FYB1: variants seen among roughly 807,000 people sequenced by gnomAD.
The protein encoded by FYB1 is FYN-binding protein 1.
In FYB1, 41 loss-of-function variants were observed where a neutral mutation model predicts 94.1. That is an observed-to-expected ratio of 0.44 (90% CI 0.34 to 0.57). The LOEUF is 0.57. Ranked by LOEUF, FYB1 falls within the 20% of genes least tolerant of loss-of-function variation. FYB1 has a pLI of 0.02. For missense variants in FYB1, 1,050 were observed against 976.8 expected, an observed-to-expected ratio of 1.07 and a Z score of -1.00; for synonymous variants, 367 against 353.2, an observed-to-expected ratio of 1.04 and a Z score of -0.44.
At chr5:39,201,012 C>A (rs553034229) in intron 2 of FYB1, among the ~76,000 whole-genome samples, 1 of 152,100 alleles carries the variant, frequency 6.6e-6, no homozygotes, top group Non-Finnish European at 1.5e-5. Context: ...ACTATTTACC[C>A]GAAAGGAGAG....
At chr5:39,143,414 G>A (rs554688580) in intron 3 of FYB1, among the ~76,000 whole-genome samples, 6 of 146,506 alleles carry the variant, frequency 4.1e-5, no homozygotes, top group East Asian at 4.3e-4. Flanking sequence ...TCCATTTCTC[G>A]TCTCTCCCGC....
chr5:39,112,325 T>C (rs1234530063), intron 16 of FYB1, among the ~76,000 whole-genome samples: 2 of 151,976 alleles, frequency 1.3e-5, no homozygotes, highest in Non-Finnish European at 2.9e-5. Context: ...CAATAGCAAA[T>C]GTTCCCATAA....
At chr5:39,197,611 CT>C (rs1319615882) in intron 2 of FYB1, among the ~76,000 whole-genome samples, 1 of 152,224 alleles carries the variant, frequency 6.6e-6, no homozygotes, top group African/African-American at 2.4e-5. Flanking sequence ...AGCAAATGCA[CT>C]CTGGAAACAA....
At chr5:39,151,155 A>G (rs1352418244) in intron 3 of FYB1, among the ~76,000 whole-genome samples, 1 of 152,070 alleles carries the variant, frequency 6.6e-6, no homozygotes, top group African/African-American at 2.4e-5. Context: ...ATAAATATAT[A>G]CTTCTCTCAA....
chr5:39,228,952 G>A (rs990233009), intron 1 of FYB1, among the ~76,000 whole-genome samples: 1 of 152,006 alleles, frequency 6.6e-6, no homozygotes, highest in Non-Finnish European at 1.5e-5. Context: ...TGGTTCTTTT[G>A]TCCACTATAA....
chr5:39,147,086 G>C (rs1271916913), intron 3 of FYB1, among the ~76,000 whole-genome samples: 6 of 152,090 alleles, frequency 3.9e-5, no homozygotes, highest in Non-Finnish European at 8.8e-5. Flanking sequence ...AGAAGAAAAA[G>C]AAGCTTATCA....
intron 2 of FYB1, chr5:39,169,815 G>T (rs1199038554): frequency 5.8e-6 from 3 of 513,770 alleles, no homozygotes; most frequent in Non-Finnish European, 1.1e-5. Context: ...TTTCTTCAGT[G>T]GTTTTGATGG....
intron 1 of FYB1, among the ~76,000 whole-genome samples, chr5:39,257,426 T>G (rs1306076672): frequency 6.6e-6 from 1 of 152,146 alleles, no homozygotes; most frequent in African/African-American, 2.4e-5. Context: ...ATTTTTTTTT[T>G]TTTTTGCATG....
At chr5:39,215,242 A>G (rs550999990) in intron 1 of FYB1, among the ~76,000 whole-genome samples, 1 of 152,384 alleles carries the variant, frequency 6.6e-6, no homozygotes, top group South Asian at 2.1e-4. Context: ...AAGGTGTTTG[A>G]AGAATTATAA....
chr5:39,149,672 T>A (rs1357373927), intron 3 of FYB1, among the ~76,000 whole-genome samples: 2 of 152,026 alleles, frequency 1.3e-5, no homozygotes, highest in Admixed American at 1.3e-4. Flanking sequence ...CCTGACAACT[T>A]CCCCTGCACT....
At chr5:39,232,523 T>TTTATTTA (rs1554042917) in intron 1 of FYB1, among the ~76,000 whole-genome samples, 9,251 of 150,738 alleles carry the variant, frequency 0.061, 739 homozygotes, top group African/African-American at 0.17. Context: ...TAAACATTTA[T>TTTATTTA]TTTATTTATT....
At position 39,210,473 on chromosome 5, in the gene FYB1, C is replaced by A. The variant is rs1453160001; in HGVS notation, c.-27-7486G>T. Among the ~76,000 whole-genome samples, 4 of 152,176 alleles carry A rather than the reference C, an allele frequency of 2.6e-5. No homozygotes were observed. The South Asian group carries it at 6.2e-4, about 24-fold the overall frequency. On this transcript the variant is annotated intron_variant, in intron 1 of 18. Transcript: ENST00000512982. ...CAAGATAGCCTAGCAAGTAGTAAAG[C>A]TTTGATGGTGATGGTCCACCTCCCA...
chr5:39,111,277 A>G (rs1013356393), intron 16 of FYB1, among the ~76,000 whole-genome samples: 1 of 151,974 alleles, frequency 6.6e-6, no homozygotes, highest in Non-Finnish European at 1.5e-5. Flanking sequence ...GATTAGTACC[A>G]TTTATTGCTT....
At chr5:39,269,021 C>G (rs1421985208) in intron 1 of FYB1, among the ~76,000 whole-genome samples, 1 of 152,094 alleles carries the variant, frequency 6.6e-6, no homozygotes, top group African/African-American at 2.4e-5. Context: ...CACAGTGCTC[C>G]TGTTTAAGGT....
Position 39,202,444 on chromosome 5 carries a change from A to G in FYB1, c.517T>C (p.Leu173=). 2 of 1,613,650 alleles carry G rather than the reference A, an allele frequency of 1.2e-6. No homozygotes were observed. Among genetic ancestry groups the G allele is most frequent in the African/African-American group, 1.3e-5 (1 of 74,904 alleles). ...ENEQKQAFPK[L]TGVKGKFMSA... ...ATAAATTTCCCTTTAACCCCAGTCA[A>G]TTTGGGAAACGCTTGCTTCTGTTCA... The change falls in exon 2 of 19, where the codon TTG becomes CTG. Residue 173 remains leucine (L), a synonymous_variant. Coordinates refer to ENST00000512982, the MANE Select transcript of FYB1 (RefSeq NM_001465.6).
chr5:39,191,850 A>G (rs935253204), intron 2 of FYB1, among the ~76,000 whole-genome samples: 1 of 152,240 alleles, frequency 6.6e-6, no homozygotes. Flanking sequence ...AAATAGATAG[A>G]TGGATTTTTG....
Position 39,202,176 on chromosome 5 carries a change from A to T in FYB1, c.785T>A (p.Val262Glu), listed in dbSNP as rs1341192895. The change falls in exon 2 of 19, where the codon GTG becomes GAG. Residue 262 changes from valine (V) to glutamate (E), a missense_variant. By Grantham distance (121) the Val-to-Glu change is moderately radical (BLOSUM62 -2). Transcript: ENST00000512982. The stretch of plus-strand genomic sequence containing the variant: ...CCTGCTCGCAGCAGGTTTCAAAACC[A>T]CTCCAGGAAAGGGCAAACTTGAAAT... ...GEISSLPFPG[V>E]VLKPAASRGG... The T allele has an allele frequency of 1.2e-6, 2 of 1,613,668 alleles. No homozygotes were observed. The highest frequency in any genetic ancestry group is 3.3e-5 in the Admixed American group (2 of 60,000).
At position 39,107,542 on chromosome 5, in the gene FYB1, G is replaced by A; in HGVS notation, c.2468-77C>T. On this transcript the variant is annotated intron_variant, in intron 18 of 18. Transcript: ENST00000512982. ...AAGTATTCCAAGTTTGGAAATGTGG[G>A]TGATTCATACTCTCCTGGTTAAGGA... The A allele has an allele frequency of 4.1e-6, 4 of 987,092 alleles. No homozygotes were observed. The South Asian group carries it at 7.1e-5, about 18-fold the overall frequency. 61.1% of individuals were successfully genotyped at this position (987,092 alleles called of 1,614,324 possible). A position where few individuals can be genotyped will look rare whatever the true frequency, so the allele number is the denominator to read the frequency against.
At position 39,202,285 on chromosome 5, in the gene FYB1, G is replaced by C. The variant is rs1223050291; in HGVS notation, c.676C>G (p.Pro226Ala). 6.2e-7 allele frequency: 1 copy of C among 1,613,726 alleles called. No homozygotes were observed. Among genetic ancestry groups the C allele is most frequent in the Admixed American group, 1.7e-5 (1 of 59,990 alleles). ...TTGGACCTGACTCCCAGGGGAGCTG[G>C]GGACCCTTTTGATGAAGACACATTC... is the stretch of plus-strand genomic sequence containing the variant. ...MKNVSSSKGS[P>A]APLGVRSKSG... Residue 226 changes from proline (P) to alanine (A), a missense_variant, in exon 2 of 19, where the codon CCA becomes GCA. By Grantham distance (27) the Pro-to-Ala change is conservative. Transcript: ENST00000512982.
Sources: gnomAD v4.1 joint callset for allele counts (sites outside exome capture counted in the v4.1 genomes callset) on GRCh38, gnomAD v4.1.1 for gene constraint, MANE v1.5 for transcripts, NCBI Gene and HGNC (gene_info 2026-07-23, HGNC 2026-07-21) for gene names.